Variants in SYN3 observed in about 807,000 individuals in gnomAD.
The protein encoded by SYN3 is synapsin-3.
In SYN3, 35 loss-of-function variants were observed where a neutral mutation model predicts 65.8. The ratio of observed to expected loss-of-function variants is 0.53; its 90% CI spans 0.41 to 0.70. The LOEUF (loss-of-function observed/expected upper bound fraction) is 0.70, where lower values mean the gene tolerates loss of function less well. Among genes scored for constraint, SYN3 ranks in the 30% least tolerant of loss-of-function variants. The pLI, the probability that SYN3 is intolerant of heterozygous loss-of-function variation, is 0.00. For synonymous variants in SYN3, 270 were observed against 292.9 expected (o/e 0.92, Z 0.80); for missense variants, 680 against 749.0 (o/e 0.91, Z 1.08).
intron 1 of SYN3, among the ~76,000 whole-genome samples, chr22:33,008,832 C>T (rs1007768493): frequency 4.1e-5 from 6 of 147,264 alleles, no homozygotes; most frequent in Admixed American, 2.8e-4. Flanking sequence ...GGCTGAGGCA[C>T]GAGAATCGCT....
chr22:32,954,942 C>CTTTTT lies in SYN3; in HGVS notation c.370-23466_370-23462dup, dbSNP rs770971735. Among the ~76,000 whole-genome samples the CTTTTT allele has an allele frequency of 4.8e-4, 57 of 118,840 alleles. 1 individual carries two copies. The highest frequency in any genetic ancestry group is 4.3e-3 in the Middle Eastern group (1 of 234). The allele number at this position is 118,840 out of a possible 152,430, so 78.0% of individuals were successfully genotyped here. On this transcript the variant is annotated intron_variant, in intron 3 of 13. Coordinates refer to ENST00000358763, the MANE Select transcript of SYN3 (RefSeq NM_003490.4). ...AGAAATTCAAATGCTTTTTCCTTTT[C>CTTTTT]TTTTTTTTTTTTCTTTTCATTTTAA...
chr22:33,016,785 T>C (rs1334819653), intron 1 of SYN3, among the ~76,000 whole-genome samples: 1 of 152,246 alleles, frequency 6.6e-6, no homozygotes, highest in Non-Finnish European at 1.5e-5. Flanking sequence ...TTTGAATTCC[T>C]TATATATTTT....
chr22:32,819,333 C>T (rs1217136979), intron 6 of SYN3, among the ~76,000 whole-genome samples: 1 of 152,244 alleles, frequency 6.6e-6, no homozygotes, highest in Non-Finnish European at 1.5e-5. Context: ...GACACGATGC[C>T]TTGCTGGTGA....
chr22:33,045,771 C>T (rs988439814), intron 1 of SYN3, among the ~76,000 whole-genome samples: 2 of 151,960 alleles, frequency 1.3e-5, no homozygotes, highest in Admixed American at 1.3e-4. Context: ...AACCACTTCT[C>T]ACTTCTTTCA....
chr22:32,807,383 A>ATGT (rs1394973694), intron 6 of SYN3, among the ~76,000 whole-genome samples: 1 of 107,734 alleles, frequency 9.3e-6, no homozygotes, highest in Non-Finnish European at 1.8e-5. Flanking sequence ...TATATAATAT[A>ATGT]TATTATATAT....
chr22:32,680,122 T>C (rs2060504376), intron 6 of SYN3, among the ~76,000 whole-genome samples: 1 of 152,150 alleles, frequency 6.6e-6, no homozygotes, highest in African/African-American at 2.4e-5. Context: ...TAATTATTGA[T>C]TTCTACTTCT....
chr22:32,701,937 C>T (rs755106532), intron 6 of SYN3, among the ~76,000 whole-genome samples: 3 of 152,108 alleles, frequency 2.0e-5, no homozygotes, highest in Non-Finnish European at 4.4e-5. Flanking sequence ...GAAGAAAAAA[C>T]ACAAAGAAAA....
chr22:32,696,930 C>A (rs2060744399), intron 6 of SYN3, among the ~76,000 whole-genome samples: 1 of 152,202 alleles, frequency 6.6e-6, no homozygotes, highest in Admixed American at 6.5e-5. Flanking sequence ...TGTGGTGCAG[C>A]CTGCTTCCTG....
At chr22:33,050,853 T>C (rs781643917) in intron 1 of SYN3, among the ~76,000 whole-genome samples, 8 of 152,158 alleles carry the variant, frequency 5.3e-5, no homozygotes, top group Admixed American at 3.3e-4. Flanking sequence ...ATCTGCAGAG[T>C]GGGGTTAATT....
intron 2 of SYN3, among the ~76,000 whole-genome samples, chr22:32,997,546 C>T (rs2052916732): frequency 6.6e-6 from 1 of 152,118 alleles, no homozygotes; most frequent in Admixed American, 6.6e-5. Flanking sequence ...CTGCCCCCCT[C>T]ACCTTTAAAT....
intron 7 of SYN3, among the ~76,000 whole-genome samples, chr22:32,564,979 G>A (rs1601645514): frequency 8.0e-6 from 1 of 125,300 alleles, no homozygotes; most frequent in Non-Finnish European, 1.6e-5. Flanking sequence ...CAGTGCTCCT[G>A]GACTGCACCC....
chr22:33,038,777 T>TTGAG (rs3071419), intron 1 of SYN3, among the ~76,000 whole-genome samples: 68,533 of 151,724 alleles, frequency 0.45, 15,872 homozygotes, highest in African/African-American at 0.56. Context: ...GTTGGAAATC[T>TTGAG]TAAGAGTCAG....
intron 6 of SYN3, among the ~76,000 whole-genome samples, chr22:32,745,612 T>A (rs1254913317): frequency 6.6e-6 from 1 of 152,108 alleles, no homozygotes; most frequent in Non-Finnish European, 1.5e-5. Flanking sequence ...GGCCCTGGGT[T>A]AGTCACAGCA....
At chr22:32,635,888 A>G (rs1420228237) in intron 6 of SYN3, among the ~76,000 whole-genome samples, 1 of 152,248 alleles carries the variant, frequency 6.6e-6, no homozygotes, top group African/African-American at 2.4e-5. Flanking sequence ...TAAAAGAAAG[A>G]GAAAAAATCC....
rs375052867 is a variant in SYN3 at position 33,006,491 on chromosome 22, T to C, written c.172A>G (p.Ser58Gly). Residue 58 changes from serine to glycine, a missense_variant, in exon 2 of 14, where the codon AGC (serine) becomes GGC (glycine). Physicochemically the swap from Ser to Gly is moderately conservative, Grantham distance 56. Transcript: ENST00000358763. ...LAASFSSPGS[S>G]LFSSLSSAMK... Reference sequence around the variant, plus strand: ...GCACTGGAGAGGGAGCTAAAAAGGCTGGATCCTGGAGAGGAGAAGGAGGCA... The same window carrying C: ...GCACTGGAGAGGGAGCTAAAAAGGCCGGATCCTGGAGAGGAGAAGGAGGCA... 29 of 1,614,044 alleles carry C rather than the reference T, an allele frequency of 1.8e-5. No homozygotes were observed. The highest frequency in any genetic ancestry group is 2.4e-5 in the Non-Finnish European group (28 of 1,180,034).
intron 6 of SYN3, among the ~76,000 whole-genome samples, chr22:32,709,728 A>G (rs1357103247): frequency 6.6e-6 from 1 of 151,954 alleles, no homozygotes; most frequent in Non-Finnish European, 1.5e-5. Context: ...TTTTCAATGC[A>G]TCTTTTTCTT....
chr22:32,774,603 T>TC (rs2045862615), intron 6 of SYN3, among the ~76,000 whole-genome samples: 2 of 151,498 alleles, frequency 1.3e-5, no homozygotes, highest in African/African-American at 4.9e-5. Context: ...GCACTTTTTT[T>TC]TTTTCTTTTC....
At chr22:32,781,013 T>C (rs1602133295) in intron 6 of SYN3, among the ~76,000 whole-genome samples, 2 of 122,140 alleles carry the variant, frequency 1.6e-5, no homozygotes, top group South Asian at 5.4e-4. Flanking sequence ...CCTTCTTTCT[T>C]TCTTTCTCTC....
At chr22:32,902,710 A>G (rs2049795016) in intron 4 of SYN3, among the ~76,000 whole-genome samples, 1 of 152,162 alleles carries the variant, frequency 6.6e-6, no homozygotes, top group Admixed American at 6.5e-5. Flanking sequence ...TCATGGGACT[A>G]GGTTCTAACT....
Sources: gnomAD v4.1 joint callset for allele counts (sites outside exome capture counted in the v4.1 genomes callset) on GRCh38, gnomAD v4.1.1 for gene constraint, MANE v1.5 for transcripts, NCBI Gene and HGNC (gene_info 2026-07-23, HGNC 2026-07-21) for gene names.